NOL4: variants seen among roughly 807,000 people sequenced by gnomAD.
The protein encoded by NOL4 is cancer/testis antigen 125.
NOL4 carries 17 observed loss-of-function variants against 75.9 expected under a neutral mutation model. The observed-to-expected ratio is 0.22, with a 90% confidence interval of 0.15 to 0.34. NOL4 has a LOEUF of 0.34. Ranked by LOEUF, NOL4 falls within the 10% of genes least tolerant of loss-of-function variation. NOL4 has a pLI of 1.00. For synonymous variants in NOL4, 292 were observed against 289.9 expected (o/e 1.01, Z -0.07); for missense variants, 614 against 793.5 (o/e 0.77, Z 2.72).
chr18:33,953,244 T>TTTTTTTTTTTTTTTGAG (rs1555671903), intron 8 of NOL4, among the ~76,000 whole-genome samples: 1 of 149,430 alleles, frequency 6.7e-6, no homozygotes, highest in Non-Finnish European at 1.5e-5. Flanking sequence ...AGGATATTTT[T>TTTTTTTTTTTTTTTGAG]AAACTGCAAA....
At chr18:33,893,405 A>G (rs1324499865) in intron 9 of NOL4, among the ~76,000 whole-genome samples, 1 of 152,174 alleles carries the variant, frequency 6.6e-6, no homozygotes, top group Non-Finnish European at 1.5e-5. Context: ...TTGGACCCTG[A>G]GCCAACACAC....
At chr18:34,213,091 C>G (rs1347258930) in intron 1 of NOL4, among the ~76,000 whole-genome samples, 1 of 152,074 alleles carries the variant, frequency 6.6e-6, no homozygotes, top group Non-Finnish European at 1.5e-5. Context: ...GAGACTCATC[C>G]TAGGATTCTG....
chr18:34,048,694 A>T lies in NOL4; in HGVS notation c.773-29093T>A, dbSNP rs571591186. 3.4e-4 allele frequency: 244 copies of T among 709,718 alleles called. 1 individual carries two copies. The African/African-American group carries it at 4.5e-3, about 13-fold the overall frequency. 44.0% of individuals were successfully genotyped at this position (709,718 alleles called of 1,614,324 possible). A position where few individuals can be genotyped will look rare whatever the true frequency, so the allele number is the denominator to read the frequency against. On this transcript the variant is annotated intron_variant, in intron 5 of 10. Transcript: ENST00000261592. Reference sequence around the variant, plus strand: ...GAGATGAGCCTTCAAAGACTCAGGGAAACATGCACTCAGTCTTCCTCCAGG... The same window carrying T: ...GAGATGAGCCTTCAAAGACTCAGGGTAACATGCACTCAGTCTTCCTCCAGG...
At chr18:33,951,363 G>A (rs2069204668) in intron 8 of NOL4, among the ~76,000 whole-genome samples, 1 of 151,914 alleles carries the variant, frequency 6.6e-6, no homozygotes, top group South Asian at 2.1e-4. Flanking sequence ...GCTGGTTTTC[G>A]GTTGTAGATA....
At chr18:33,861,734 G>A (rs191412329) in intron 10 of NOL4, among the ~76,000 whole-genome samples, 1 of 152,082 alleles carries the variant, frequency 6.6e-6, no homozygotes, top group Non-Finnish European at 1.5e-5. Context: ...ACCTCTTCAA[G>A]GAGAACTACA....
intron 2 of NOL4, among the ~76,000 whole-genome samples, chr18:34,116,293 T>TA (rs137948671): frequency 0.21 from 31,976 of 151,082 alleles, 4,232 homozygotes; most frequent in East Asian, 0.34. Flanking sequence ...CTGTGGGTTA[T>TA]AAAAAAAAAC....
intron 6 of NOL4, among the ~76,000 whole-genome samples, chr18:33,993,363 C>A (rs982819752): frequency 6.6e-6 from 1 of 151,952 alleles, no homozygotes; most frequent in African/African-American, 2.4e-5. Flanking sequence ...AGCTCCACTT[C>A]CCTGAGAAGC....
intron 5 of NOL4, among the ~76,000 whole-genome samples, chr18:34,067,496 A>G (rs568811528): frequency 1.3e-5 from 2 of 152,298 alleles, no homozygotes; most frequent in East Asian, 3.9e-4. Context: ...AAGCAAGGAG[A>G]TCAGGTATGA....
chr18:33,929,683 T>C (rs2067560780), intron 9 of NOL4, among the ~76,000 whole-genome samples: 1 of 152,186 alleles, frequency 6.6e-6, no homozygotes, highest in Non-Finnish European at 1.5e-5. Context: ...TCTTCCTCAC[T>C]TGTTTTGTAG....
chr18:33,976,448 T>C (rs574267727), intron 6 of NOL4, among the ~76,000 whole-genome samples: 1 of 152,304 alleles, frequency 6.6e-6, no homozygotes, highest in South Asian at 2.1e-4. Context: ...CTTTCCAAGT[T>C]ACAAACACAA....
intron 1 of NOL4, among the ~76,000 whole-genome samples, chr18:34,165,051 T>C (rs932418872): frequency 7.1e-5 from 9 of 127,524 alleles, no homozygotes; most frequent in African/African-American, 2.7e-4. Context: ...TGAGAACACA[T>C]GGACACAGGA....
intron 5 of NOL4, among the ~76,000 whole-genome samples, chr18:34,088,489 C>A (rs1171394296): frequency 6.6e-6 from 1 of 152,078 alleles, no homozygotes; most frequent in Non-Finnish European, 1.5e-5. Context: ...AGAATGCTTA[C>A]AAACTGCTGA....
rs879151200 is a variant in NOL4 at position 33,851,495 on chromosome 18, T to G, written c.*1347A>C. 3 of 152,568 alleles carry G rather than the reference T, an allele frequency of 2.0e-5. No individual in the cohort carries two copies. Among genetic ancestry groups the G allele is most frequent in the African/African-American group, 7.2e-5 (3 of 41,528 alleles). The allele number at this position is 152,568 out of a possible 1,614,324, so 9.5% of individuals were successfully genotyped here. A position where few individuals can be genotyped will look rare whatever the true frequency, so the allele number is the denominator to read the frequency against. On this transcript the variant is annotated 3_prime_UTR_variant, in exon 11 of 11. Transcript: ENST00000261592. ...ATGCCTCAAACTCATTGTCAAAAACTGAATGACATAAATTTTACATGAAAT... is the reference window on the plus strand; with the variant it reads ...ATGCCTCAAACTCATTGTCAAAAACGGAATGACATAAATTTTACATGAAAT...
At chr18:34,000,490 C>T (rs1367251931) in intron 6 of NOL4, among the ~76,000 whole-genome samples, 1 of 151,972 alleles carries the variant, frequency 6.6e-6, no homozygotes, top group Non-Finnish European at 1.5e-5. Flanking sequence ...TGTTTTTATA[C>T]CAGTCTTTTC....
chr18:34,126,786 G>A (rs187443620), intron 2 of NOL4, among the ~76,000 whole-genome samples: 23 of 152,074 alleles, frequency 1.5e-4, no homozygotes, highest in Admixed American at 1.2e-3. Context: ...ATTTTGAAGT[G>A]ACTTTCCAAA....
intron 1 of NOL4, among the ~76,000 whole-genome samples, chr18:34,218,712 A>G (rs543229720): frequency 6.6e-6 from 1 of 152,344 alleles, no homozygotes; most frequent in African/African-American, 2.4e-5. Flanking sequence ...GAAAAGAAAA[A>G]TGCATGGGCT....
intron 6 of NOL4, among the ~76,000 whole-genome samples, chr18:33,993,967 T>A (rs1159886429): frequency 4.0e-5 from 6 of 151,696 alleles, no homozygotes; most frequent in Non-Finnish European, 7.4e-5. Flanking sequence ...AAAAGATATA[T>A]AATGAATATA....
chr18:33,952,901 G>T (rs2069344939), intron 8 of NOL4, among the ~76,000 whole-genome samples: 1 of 152,178 alleles, frequency 6.6e-6, no homozygotes, highest in South Asian at 2.1e-4. Context: ...TCCAGCCTGG[G>T]CAACAAGAGT....
At chr18:33,881,903 T>C (rs2064304418) in intron 10 of NOL4, among the ~76,000 whole-genome samples, 1 of 152,018 alleles carries the variant, frequency 6.6e-6, no homozygotes, top group South Asian at 2.1e-4. Context: ...TAAAGCCGCA[T>C]ATCTACAACT....
Sources: gnomAD v4.1 joint callset for allele counts (sites outside exome capture counted in the v4.1 genomes callset) on GRCh38, gnomAD v4.1.1 for gene constraint, MANE v1.5 for transcripts, NCBI Gene and HGNC (gene_info 2026-07-23, HGNC 2026-07-21) for gene names.